RAB6A: variants seen among roughly 807,000 people sequenced by gnomAD.
RAB6A encodes the protein RAB6A, member RAS oncogene family.
RAB6A carries 8 observed loss-of-function variants against 32.3 expected under a neutral mutation model. That is an observed-to-expected ratio of 0.25 (90% confidence interval 0.15 to 0.45). RAB6A has a LOEUF of 0.45. RAB6A is among the 20% of genes least tolerant of loss of function. The pLI, the probability that RAB6A is intolerant of heterozygous loss-of-function variation, is 1.00. For synonymous variants in RAB6A, 73 were observed against 82.1 expected (o/e 0.89, Z 0.60); for missense variants, 104 against 249.4 (o/e 0.42, Z 3.93).
At chr11:73,722,907 A>C (rs909464367) in intron 2 of RAB6A, among the ~76,000 whole-genome samples, 2 of 151,988 alleles carry the variant, frequency 1.3e-5, no homozygotes, top group African/African-American at 4.8e-5. Context: ...CCTGGGTTCA[A>C]GCAATTTTAG....
At chr11:73,760,229 G>T in intron 1 of RAB6A, 1 of 775,016 alleles carries the variant, frequency 1.3e-6, no homozygotes, top group Non-Finnish European at 1.9e-6. Context: ...AAGAAAGGGG[G>T]CCGGGGTACG....
chr11:73,725,500 A>G (rs1223829183), intron 2 of RAB6A, among the ~76,000 whole-genome samples: 3 of 152,212 alleles, frequency 2.0e-5, no homozygotes, highest in Admixed American at 1.3e-4. Flanking sequence ...GCAGTTCCAC[A>G]TGGCTGGGGA....
At chr11:73,691,669 A>T (rs1945566360) in intron 6 of RAB6A, among the ~76,000 whole-genome samples, 1 of 152,176 alleles carries the variant, frequency 6.6e-6, no homozygotes, top group South Asian at 2.1e-4. Context: ...CACATTAGGA[A>T]GCAAAAAGTG....
intron 1 of RAB6A, among the ~76,000 whole-genome samples, chr11:73,752,339 T>G (rs1462276231): frequency 2.0e-5 from 3 of 151,974 alleles, no homozygotes; most frequent in Non-Finnish European, 2.9e-5. Context: ...GCCTGTAATC[T>G]CAGCTACTCA....
chr11:73,678,177 CTATT>C (rs1945295877), intron 7 of RAB6A, among the ~76,000 whole-genome samples: 1 of 152,152 alleles, frequency 6.6e-6, no homozygotes, highest in Non-Finnish European at 1.5e-5. Flanking sequence ...GGTACAAGCT[CTATT>C]TATGGGTATC....
intron 6 of RAB6A, among the ~76,000 whole-genome samples, chr11:73,700,224 G>A (rs535106759): frequency 1.3e-5 from 2 of 152,278 alleles, no homozygotes; most frequent in Admixed American, 1.3e-4. Flanking sequence ...GAAGGCTAAA[G>A]TAATCACCTT....
intron 1 of RAB6A, among the ~76,000 whole-genome samples, chr11:73,744,195 G>A (rs1283772566): frequency 2.6e-5 from 4 of 151,756 alleles, no homozygotes; most frequent in Admixed American, 2.0e-4. Flanking sequence ...AAAATTAGCC[G>A]GGCATGGTGG....
chr11:73,751,870 G>C (rs1186465908), intron 1 of RAB6A, among the ~76,000 whole-genome samples: 1 of 151,954 alleles, frequency 6.6e-6, no homozygotes, highest in Admixed American at 6.6e-5. Context: ...CCTAACATCA[G>C]AGACTCCCAA....
At position 73,676,026 on chromosome 11, in the gene RAB6A, C is replaced by G. The variant is rs1031087349; in HGVS notation, c.*1872G>C. ...CCATCCCATCTTTAAGTATAAGTTA[C>G]TGGTATGTGGGCTAATGATTATCTG... is the stretch of plus-strand genomic sequence containing the variant. On this transcript the variant is annotated 3_prime_UTR_variant, in exon 8 of 8. Transcript: ENST00000336083. The G allele has an allele frequency of 1.2e-5, 2 of 165,920 alleles. No homozygotes were observed. Among genetic ancestry groups the G allele is most frequent in the African/African-American group, 4.9e-5 (2 of 41,198 alleles). The allele number at this position is 165,920 out of a possible 1,614,324, so 10.3% of individuals were successfully genotyped here. A position where few individuals can be genotyped will look rare whatever the true frequency, so the allele number is the denominator to read the frequency against.
Position 73,760,664 on chromosome 11 carries a change from C to CA in RAB6A, c.-30dup. 1 of 1,597,604 alleles carries CA rather than the reference C, an allele frequency of 6.3e-7. No homozygotes were observed. Among genetic ancestry groups the CA allele is most frequent in the South Asian group, 1.1e-5 (1 of 88,680 alleles). ...GGAACTAGAGGAGCGGCCGCCGCCTCAGCCTAGAGACCTCCCGGACCGATG... is the reference window on the plus strand; with the variant it reads ...GGAACTAGAGGAGCGGCCGCCGCCTCAAGCCTAGAGACCTCCCGGACCGATG... On this transcript the variant is annotated 5_prime_UTR_variant, in exon 1 of 8. Transcript: ENST00000336083.
rs138940602 is a variant in RAB6A at position 73,717,143 on chromosome 11, G to A, written c.290-781C>T. On this transcript the variant is annotated intron_variant, in intron 4 of 7. Transcript: ENST00000336083. ...CAGCAACCCAAAGTAAAGGTGCAAA[G>A]GAAGAAAGACTGCATATAGCACCTA... 6.6e-5 allele frequency among the ~76,000 whole-genome samples: 10 copies of A among 152,210 alleles called. No individual in the cohort carries two copies. In the East Asian group the frequency reaches 1.3e-3, roughly 21 times the overall value.
chr11:73,725,880 C>T (rs1034301757), intron 2 of RAB6A, among the ~76,000 whole-genome samples: 8 of 152,112 alleles, frequency 5.3e-5, no homozygotes, highest in East Asian at 1.9e-4. Flanking sequence ...GGGCCAGGCG[C>T]GGTGGCTCAT....
chr11:73,700,779 CTGAT>C (rs1253524769), intron 6 of RAB6A, among the ~76,000 whole-genome samples: 3 of 152,052 alleles, frequency 2.0e-5, no homozygotes, highest in Admixed American at 6.6e-5. Flanking sequence ...AGTTCTAGTA[CTGAT>C]TGTTTTATTT....
chr11:73,710,794 A>T (rs1379888046), intron 5 of RAB6A, among the ~76,000 whole-genome samples: 1 of 151,206 alleles, frequency 6.6e-6, no homozygotes, highest in African/African-American at 2.4e-5. Context: ...TCTGTTGCAC[A>T]TATAAGTGCG....
intron 1 of RAB6A, among the ~76,000 whole-genome samples, chr11:73,748,663 T>C (rs1253177087): frequency 1.3e-5 from 2 of 152,196 alleles, no homozygotes; most frequent in African/African-American, 4.8e-5. Flanking sequence ...TATTTTTCTA[T>C]ACATTTAAAT....
rs1038560815 is a variant in RAB6A, at chr11:73,760,836, C to G, written c.-201G>C. On this transcript the variant is annotated 5_prime_UTR_variant, in exon 1 of 8. Transcript: ENST00000336083. ...CCGCCGCCGCCTCCCGGCAGAGTAG[C>G]CTAGCACCGAGCGAGGCCCGCGGCT... is the stretch of plus-strand genomic sequence containing the variant. 15 of 653,186 alleles carry G rather than the reference C, an allele frequency of 2.3e-5. No individual in the cohort carries two copies. Among genetic ancestry groups the G allele is most frequent in the African/African-American group, 3.8e-5 (2 of 52,648 alleles). 40.5% of individuals were successfully genotyped at this position (653,186 alleles called of 1,614,324 possible).
intron 6 of RAB6A, among the ~76,000 whole-genome samples, chr11:73,707,126 A>G (rs1364389132): frequency 1.8e-4 from 6 of 33,616 alleles, no homozygotes; most frequent in Admixed American, 3.8e-4. Flanking sequence ...CTCAAAAAAG[A>G]AAAAAAAAAA....
chr11:73,747,273 T>G (rs946688540), intron 1 of RAB6A, among the ~76,000 whole-genome samples: 1 of 151,642 alleles, frequency 6.6e-6, no homozygotes, highest in Admixed American at 6.6e-5. Context: ...TGGTGCGATC[T>G]CGGCTCACTG....
chr11:73,694,903 C>T (rs543040674), intron 6 of RAB6A, among the ~76,000 whole-genome samples: 49 of 152,290 alleles, frequency 3.2e-4, no homozygotes, highest in Admixed American at 2.7e-3. Flanking sequence ...GCAATCCCAG[C>T]TACTCGGCAG....
Sources: gnomAD v4.1 joint callset for allele counts (sites outside exome capture counted in the v4.1 genomes callset) on GRCh38, gnomAD v4.1.1 for gene constraint, MANE v1.5 for transcripts, NCBI Gene and HGNC (gene_info 2026-07-23, HGNC 2026-07-21) for gene names.